The following ELP4 variants were observed in gnomAD, a reference collection of about 807,000 sequenced individuals.
ELP4 encodes elongator complex protein 4.
Under a neutral mutation model 48.9 loss-of-function variants are expected in ELP4, and 51 were observed. That is an observed-to-expected ratio of 1.04 (90% CI 0.83 to 1.32). The LOEUF (loss-of-function observed/expected upper bound fraction) is 1.32. Among genes scored for constraint, ELP4 ranks in the 40% most tolerant of loss-of-function variants. The probability of loss-of-function intolerance (pLI) is 0.00; values close to 1 mark genes in which losing one functional copy is unlikely to be tolerated. For synonymous variants in ELP4, 210 were observed against 189.2 expected, an observed-to-expected ratio of 1.11 and a Z score of -0.90; for missense variants, 519 against 514.6, an observed-to-expected ratio of 1.01 and a Z score of -0.08.
intron 7 of ELP4, among the ~76,000 whole-genome samples, chr11:31,640,088 G>T (rs73462962): frequency 7.0e-4 from 106 of 151,970 alleles, no homozygotes; most frequent in African/African-American, 2.5e-3. Flanking sequence ...AACTGTTCTG[G>T]GAGCAGAAGG....
intron 2 of ELP4, 139 bp downstream of exon 2, chr11:31,520,230 A>C (rs1956190454): frequency 1.5e-6 from 1 of 672,198 alleles, no homozygotes; most frequent in Admixed American, 3.5e-5. Context: ...GAATTGACTT[A>C]AGTTCTATTT....
chr11:31,705,680 C>T (rs1359380131), intron 9 of ELP4, among the ~76,000 whole-genome samples: 2 of 152,094 alleles, frequency 1.3e-5, no homozygotes, highest in African/African-American at 4.8e-5. Flanking sequence ...CTAACTTTCT[C>T]TTAAAGGAAA....
chr11:31,700,459 A>G (rs1946496840), intron 9 of ELP4, among the ~76,000 whole-genome samples: 1 of 152,142 alleles, frequency 6.6e-6, no homozygotes, highest in Middle Eastern at 3.2e-3. Context: ...AACTATAAAT[A>G]GCTTTATGTC....
intron 3 of ELP4, among the ~76,000 whole-genome samples, chr11:31,551,009 A>G (rs1206622751): frequency 1.3e-5 from 2 of 152,128 alleles, no homozygotes; most frequent in East Asian, 3.9e-4. Context: ...GCCTGTCATA[A>G]TTTGTTGAAG....
intron 9 of ELP4, among the ~76,000 whole-genome samples, chr11:31,779,559 C>T (rs1441927177): frequency 2.0e-5 from 3 of 152,186 alleles, no homozygotes. Context: ...GTCCAGCTCT[C>T]CTCGGTACCT....
At chr11:31,630,636 T>C (rs963163197) in intron 6 of ELP4, among the ~76,000 whole-genome samples, 2 of 151,982 alleles carry the variant, frequency 1.3e-5, no homozygotes, top group Non-Finnish European at 2.9e-5. Flanking sequence ...GCTTCTCCTT[T>C]TAATTTAAAA....
intron 9 of ELP4, among the ~76,000 whole-genome samples, chr11:31,740,823 G>A (rs922497777): frequency 1.3e-5 from 2 of 152,238 alleles, no homozygotes; most frequent in Admixed American, 1.3e-4. Flanking sequence ...TGATGCAGAA[G>A]ACGGGTGATT....
At chr11:31,571,612 A>G (rs1284844832) in intron 3 of ELP4, among the ~76,000 whole-genome samples, 2 of 152,234 alleles carry the variant, frequency 1.3e-5, no homozygotes, top group Non-Finnish European at 2.9e-5. Context: ...AGGAATCACT[A>G]TCTATAGCAG....
At chr11:31,611,801 A>G (rs1957985515) in intron 5 of ELP4, among the ~76,000 whole-genome samples, 1 of 152,208 alleles carries the variant, frequency 6.6e-6, no homozygotes, top group South Asian at 2.1e-4. Flanking sequence ...TAAACAAGCA[A>G]ACAAATATAT....
At chr11:31,772,507 AT>A (rs1948167797) in intron 9 of ELP4, among the ~76,000 whole-genome samples, 1 of 151,930 alleles carries the variant, frequency 6.6e-6, no homozygotes, top group African/African-American at 2.4e-5. Flanking sequence ...GTCCCTCCTA[AT>A]CTTTGGAGTT....
chr11:31,521,185 C>T (rs914134391), intron 2 of ELP4, among the ~76,000 whole-genome samples: 2 of 151,936 alleles, frequency 1.3e-5, no homozygotes, highest in African/African-American at 4.8e-5. Flanking sequence ...ACATTTTATT[C>T]CTCATCTATG....
At chr11:31,748,683 AC>A (rs1331121714) in intron 9 of ELP4, among the ~76,000 whole-genome samples, 7 of 152,050 alleles carry the variant, frequency 4.6e-5, no homozygotes, top group African/African-American at 1.7e-4. Context: ...TTATAATATG[AC>A]AGAAAAGGCT....
At chr11:31,534,050 A>G (rs1161378440) in intron 2 of ELP4, among the ~76,000 whole-genome samples, 2 of 151,620 alleles carry the variant, frequency 1.3e-5, no homozygotes, top group African/African-American at 4.9e-5. Flanking sequence ...GTTAGCCAGG[A>G]TGGTCTCGAT....
intron 3 of ELP4, among the ~76,000 whole-genome samples, chr11:31,578,581 C>T (rs983144180): frequency 2.0e-5 from 3 of 152,044 alleles, no homozygotes; most frequent in Non-Finnish European, 2.9e-5. Context: ...GTACTGGTAC[C>T]AAAACAGAGA....
At chr11:31,699,874 A>T (rs1804326667) in intron 9 of ELP4, among the ~76,000 whole-genome samples, 1 of 152,116 alleles carries the variant, frequency 6.6e-6, no homozygotes, top group South Asian at 2.1e-4. Flanking sequence ...TAGTAGATAG[A>T]TCTAAGTTTA....
intron 4 of ELP4, chr11:31,598,916 A>C (rs905281934): frequency 2.0e-5 from 3 of 152,188 alleles, no homozygotes; most frequent in African/African-American, 7.2e-5. Context: ...TTAGGTCTCT[A>C]CTAAAAGATT....
intron 3 of ELP4, among the ~76,000 whole-genome samples, chr11:31,541,103 G>A (rs1304624006): frequency 1.3e-5 from 2 of 152,260 alleles, no homozygotes; most frequent in African/African-American, 4.8e-5. Flanking sequence ...TGGCAAATTA[G>A]TCATTTATAA....
intron 9 of ELP4, among the ~76,000 whole-genome samples, chr11:31,777,154 T>C (rs1948265876): frequency 6.6e-6 from 1 of 152,000 alleles, no homozygotes. Context: ...ATAATGATTA[T>C]ATAATAGCAT....
intron 9 of ELP4, among the ~76,000 whole-genome samples, chr11:31,680,101 A>G (rs1946025268): frequency 6.6e-6 from 1 of 152,108 alleles, no homozygotes; most frequent in Admixed American, 6.5e-5. Flanking sequence ...CATAGAGGGC[A>G]GTGGTTTTCC....
Sources: allele counts gnomAD v4.1 joint callset (sites outside exome capture counted in the v4.1 genomes callset), GRCh38; gene constraint gnomAD v4.1.1; transcripts MANE v1.5; gene names NCBI Gene and HGNC (gene_info 2026-07-23, HGNC 2026-07-21).